Variants in TGFA observed in about 807,000 individuals in gnomAD.
The protein encoded by TGFA is protransforming growth factor alpha.
A neutral mutation model predicts 21.7 loss-of-function variants in TGFA; 12 were observed. The observed-to-expected ratio is 0.55, with a 90% CI of 0.35 to 0.90. The LOEUF (loss-of-function observed/expected upper bound fraction) is 0.90, where lower values mean the gene tolerates loss of function less well. TGFA is among the 40% of genes least tolerant of loss of function. The pLI, the probability that TGFA is intolerant of heterozygous loss-of-function variation, is 0.01. For synonymous variants in TGFA, 79 were observed against 88.1 expected, an observed-to-expected ratio of 0.90 and a Z score of 0.58; for missense variants, 178 against 210.8, an observed-to-expected ratio of 0.84 and a Z score of 0.96.
At chr2:70,527,430 G>A (rs1403821366) in intron 1 of TGFA, among the ~76,000 whole-genome samples, 1 of 152,172 alleles carries the variant, frequency 6.6e-6, no homozygotes, top group African/African-American at 2.4e-5. Flanking sequence ...AGTTGCCAGG[G>A]GCTTGGGAGA....
At chr2:70,527,995 C>T (rs1263759477) in intron 1 of TGFA, among the ~76,000 whole-genome samples, 7 of 152,190 alleles carry the variant, frequency 4.6e-5, no homozygotes, top group Non-Finnish European at 7.3e-5. Context: ...TTGTACGGAG[C>T]ACTGTGGCTC....
chr2:70,553,734 C>T lies in TGFA; in HGVS notation c.34G>A (p.Ala12Thr). The change falls in exon 1 of 6, where the codon GCT becomes ACT. Residue 12 changes from alanine (A) to threonine (T), a missense_variant. Ala to Thr is a moderately conservative substitution (Grantham distance 58). Transcript: ENST00000295400. ...VPSAGQLALF[A>T]LGIVLAACQA... is the part of the protein sequence containing the mutation. ...CCGCAGCCGGCGTACGTACCCAGAG[C>T]GAACAGGGCGAGCTGTCCAGCCGAG... 2.3e-6 allele frequency: 3 copies of T among 1,330,318 alleles called. No homozygotes were observed. Among genetic ancestry groups the T allele is most frequent in the East Asian group, 3.0e-5 (1 of 33,740 alleles). 82.4% of individuals were successfully genotyped at this position (1,330,318 alleles called of 1,614,324 possible).
intron 2 of TGFA, among the ~76,000 whole-genome samples, chr2:70,495,460 A>G (rs1671548235): frequency 6.6e-6 from 1 of 152,252 alleles, no homozygotes; most frequent in Non-Finnish European, 1.5e-5. Context: ...GGAAAGAGTA[A>G]CTAGAACTGC....
At chr2:70,535,325 C>G (rs1553504238) in intron 1 of TGFA, among the ~76,000 whole-genome samples, 1 of 152,182 alleles carries the variant, frequency 6.6e-6, no homozygotes, top group Non-Finnish European at 1.5e-5. Context: ...GGTCATGGTT[C>G]TCTTTGCATT....
intron 1 of TGFA, among the ~76,000 whole-genome samples, chr2:70,529,465 T>C (rs1353102717): frequency 3.9e-5 from 6 of 152,110 alleles, no homozygotes; most frequent in Admixed American, 2.6e-4. Context: ...TGCGTGTAAA[T>C]AAATAGTCAT....
Position 70,465,742 on chromosome 2 carries a change from G to A in TGFA, c.95-6C>T. 1.2e-6 allele frequency: 2 copies of A among 1,613,752 alleles called. No individual in the cohort carries two copies. The highest frequency in any genetic ancestry group is 1.7e-6 in the Non-Finnish European group (2 of 1,179,942). On this transcript the variant is annotated splice_polypyrimidine_tract_variant and splice_region_variant and intron_variant, in intron 2 of 5. Transcript: ENST00000295400. The stretch of plus-strand genomic sequence containing the variant: ...TGCAGCCACGGGCGGGTCTGCTGGG[G>A]AGAGGAAAGATGCAGGGCTCAGATC...
chr2:70,525,068 C>T (rs1156788345), intron 1 of TGFA, among the ~76,000 whole-genome samples: 2 of 152,182 alleles, frequency 1.3e-5, no homozygotes, highest in African/African-American at 4.8e-5. Context: ...CAGTCAAAGC[C>T]ATGTGTGGGC....
intron 2 of TGFA, among the ~76,000 whole-genome samples, chr2:70,484,215 C>G (rs1266579828): frequency 6.6e-6 from 1 of 152,204 alleles, no homozygotes; most frequent in Non-Finnish European, 1.5e-5. Flanking sequence ...TCTTTATCTT[C>G]TGAGTAATAC....
chr2:70,460,193 C>T (rs1320058559), intron 3 of TGFA, among the ~76,000 whole-genome samples: 2 of 152,100 alleles, frequency 1.3e-5, no homozygotes. Flanking sequence ...GATGTCCAGG[C>T]CACACCTTTA....
intron 1 of TGFA, among the ~76,000 whole-genome samples, chr2:70,538,931 T>G (rs1488882135): frequency 1.3e-5 from 2 of 152,330 alleles, no homozygotes; most frequent in East Asian, 3.9e-4. Context: ...TCAATTAGCA[T>G]GGCAAATTTC....
At chr2:70,504,463 T>TATATATATATATATATATAC (rs1224115401) in intron 2 of TGFA, among the ~76,000 whole-genome samples, 8 of 48,956 alleles carry the variant, frequency 1.6e-4, no homozygotes, top group African/African-American at 2.0e-4. Flanking sequence ...TATATATATA[T>TATATATATATATATATATAC]ACACACATAC....
intron 2 of TGFA, among the ~76,000 whole-genome samples, chr2:70,485,439 T>C (rs1292798583): frequency 6.6e-6 from 1 of 152,220 alleles, no homozygotes; most frequent in Non-Finnish European, 1.5e-5. Context: ...GGTTTCACCA[T>C]GTTGGCCAGG....
chr2:70,498,528 T>C (rs1671642343), intron 2 of TGFA, among the ~76,000 whole-genome samples: 1 of 152,196 alleles, frequency 6.6e-6, no homozygotes, highest in South Asian at 2.1e-4. Context: ...GAATGAGTTT[T>C]TTCTTCTCTT....
At chr2:70,531,482 T>C (rs1218037928) in intron 1 of TGFA, among the ~76,000 whole-genome samples, 2 of 152,236 alleles carry the variant, frequency 1.3e-5, no homozygotes, top group Non-Finnish European at 2.9e-5. Flanking sequence ...GGGGACACCT[T>C]CAACTAATTC....
chr2:70,487,671 A>C (rs572783511), intron 2 of TGFA, among the ~76,000 whole-genome samples: 5 of 152,326 alleles, frequency 3.3e-5, no homozygotes, highest in African/African-American at 1.2e-4. Context: ...TAGTCTGGAC[A>C]TGGTAATCTT....
chr2:70,521,613 G>GTTTTTTTTTTTTTTTTTTTTTTT (rs59567780), intron 1 of TGFA, among the ~76,000 whole-genome samples: 1 of 74,050 alleles, frequency 1.4e-5, no homozygotes, highest in Non-Finnish European at 2.8e-5. Flanking sequence ...GTTGTTGTTT[G>GTTTTTTTTTTTTTTTTTTTTTTT]TTTGTTTTTT....
At chr2:70,498,291 A>C (rs571073766) in intron 2 of TGFA, among the ~76,000 whole-genome samples, 1 of 152,372 alleles carries the variant, frequency 6.6e-6, no homozygotes, top group Non-Finnish European at 1.5e-5. Flanking sequence ...TGGATTCCTT[A>C]TGCTGTTCAA....
chr2:70,453,017 A>G (rs1553489895), intron 5 of TGFA, among the ~76,000 whole-genome samples: 1 of 152,234 alleles, frequency 6.6e-6, no homozygotes, highest in Non-Finnish European at 1.5e-5. Context: ...AAGGTCCCAC[A>G]GCCACCAGCC....
At chr2:70,503,433 G>T in intron 2 of TGFA, among the ~76,000 whole-genome samples, 1 of 147,680 alleles carries the variant, frequency 6.8e-6, no homozygotes, top group Non-Finnish European at 1.5e-5. Flanking sequence ...GTGAGGTGGG[G>T]GGAGGGGGGA....
Sources: gnomAD v4.1 joint callset for allele counts (sites outside exome capture counted in the v4.1 genomes callset) on GRCh38, gnomAD v4.1.1 for gene constraint, MANE v1.5 for transcripts, NCBI Gene and HGNC (gene_info 2026-07-23, HGNC 2026-07-21) for gene names.